Variants in IPCEF1 observed in about 807,000 individuals in gnomAD.
IPCEF1 encodes the protein interaction protein for cytohesin exchange factors 1.
IPCEF1 carries 31 observed loss-of-function variants against 50.9 expected under a neutral mutation model. The ratio of observed to expected loss-of-function variants is 0.61; its 90% CI spans 0.46 to 0.82. IPCEF1 has a LOEUF of 0.82. Among genes scored for constraint, IPCEF1 ranks in the 40% least tolerant of loss-of-function variants. The pLI is 0.00. For missense variants in IPCEF1, 458 were observed against 514.0 expected, an observed-to-expected ratio of 0.89 and a Z score of 1.05; for synonymous variants, 181 against 192.0, an observed-to-expected ratio of 0.94 and a Z score of 0.47.
At chr6:154,264,699 C>T (rs902821576) in intron 3 of IPCEF1, among the ~76,000 whole-genome samples, 1 of 152,056 alleles carries the variant, frequency 6.6e-6, no homozygotes, top group African/African-American at 2.4e-5. Context: ...AAGTTTCCTG[C>T]ATTTTTTTTC....
chr6:154,228,132 A>T (rs930416267), intron 5 of IPCEF1, among the ~76,000 whole-genome samples: 6 of 152,012 alleles, frequency 3.9e-5, no homozygotes, highest in Non-Finnish European at 7.4e-5. Flanking sequence ...AACTTTGTTG[A>T]ATGGGATCCT....
intron 1 of IPCEF1, among the ~76,000 whole-genome samples, chr6:154,293,533 G>C (rs955807114): frequency 2.0e-5 from 3 of 152,120 alleles, no homozygotes; most frequent in African/African-American, 7.2e-5. Flanking sequence ...CAAAGCAAAA[G>C]AGCAATTAGA....
chr6:154,222,654 A>G (rs1274843004), intron 6 of IPCEF1, among the ~76,000 whole-genome samples: 2 of 151,872 alleles, frequency 1.3e-5, no homozygotes, highest in Non-Finnish European at 2.9e-5. Context: ...TGAGCTGGTA[A>G]TTTTTTTTGG....
intron 1 of IPCEF1, among the ~76,000 whole-genome samples, chr6:154,308,468 T>A (rs938398285): frequency 5.3e-5 from 8 of 152,196 alleles, no homozygotes; most frequent in Non-Finnish European, 1.5e-5. Flanking sequence ...TTTAAAATTA[T>A]ACCATCCAAT....
intron 10 of IPCEF1, among the ~76,000 whole-genome samples, chr6:154,195,147 C>CTTTTTTTTT (rs10719288): frequency 1.6e-5 from 2 of 122,898 alleles, no homozygotes; most frequent in African/African-American, 3.1e-5. Flanking sequence ...TCTTTTCTTT[C>CTTTTTTTTT]TTTTTTTTTT....
At chr6:154,306,690 C>T (rs531226472) in intron 1 of IPCEF1, 2 of 152,434 alleles carry the variant, frequency 1.3e-5, no homozygotes, top group South Asian at 4.1e-4. Context: ...CTGTGCAGCG[C>T]CTACCAGCAG....
intron 1 of IPCEF1, among the ~76,000 whole-genome samples, chr6:154,293,588 G>C (rs1275004478): frequency 6.6e-6 from 1 of 152,158 alleles, no homozygotes; most frequent in Non-Finnish European, 1.5e-5. Flanking sequence ...TATTGTTACT[G>C]TCCAGTGTTC....
intron 5 of IPCEF1, among the ~76,000 whole-genome samples, chr6:154,229,918 T>C (rs1779591949): frequency 6.6e-6 from 1 of 152,200 alleles, no homozygotes; most frequent in East Asian, 1.9e-4. Context: ...TGCTGAAACA[T>C]GGATGAACCC....
intron 1 of IPCEF1, among the ~76,000 whole-genome samples, chr6:154,301,412 C>A (rs1782792123): frequency 6.6e-6 from 1 of 152,138 alleles, no homozygotes; most frequent in African/African-American, 2.4e-5. Context: ...ACCCCATAAA[C>A]CTTGAAATAT....
intron 10 of IPCEF1, among the ~76,000 whole-genome samples, chr6:154,197,022 T>C (rs1776674242): frequency 6.6e-6 from 1 of 152,192 alleles, no homozygotes; most frequent in African/African-American, 2.4e-5. Flanking sequence ...ACTCAGTTAT[T>C]AATCTTTAAG....
intron 7 of IPCEF1, among the ~76,000 whole-genome samples, chr6:154,218,274 G>A (rs960935350): frequency 1.3e-5 from 2 of 152,192 alleles, no homozygotes; most frequent in African/African-American, 4.8e-5. Context: ...CAAAACAAGA[G>A]CATTCTTCCC....
At position 154,212,701 on chromosome 6, in the gene IPCEF1, A is replaced by G. The variant is rs1778063195; in HGVS notation, c.537+69T>C. 12 of 1,053,050 alleles carry G rather than the reference A, an allele frequency of 1.1e-5. No homozygotes were observed. The East Asian group carries it at 2.9e-4, about 25-fold the overall frequency. The allele number at this position is 1,053,050 out of a possible 1,614,324, so 65.2% of individuals were successfully genotyped here. A position where few individuals can be genotyped will look rare whatever the true frequency, so the allele number is the denominator to read the frequency against. On this transcript the variant is annotated intron_variant, in intron 9 of 11. Coordinates refer to ENST00000367220, the MANE Select transcript of IPCEF1 (RefSeq NM_001130700.2). ...AAATTTATTGGTCAAGCTACTTCCT[A>G]TTCAATTGGAAGAAATGACATCCAC... is the stretch of plus-strand genomic sequence containing the variant.
intron 1 of IPCEF1, among the ~76,000 whole-genome samples, chr6:154,327,809 T>C (rs1187250412): frequency 6.6e-6 from 1 of 152,124 alleles, no homozygotes; most frequent in Non-Finnish European, 1.5e-5. Context: ...AGCAAACACA[T>C]GGAATCAACC....
chr6:154,246,360 T>C (rs940776801), intron 5 of IPCEF1, among the ~76,000 whole-genome samples: 1 of 152,176 alleles, frequency 6.6e-6, no homozygotes, highest in Admixed American at 6.5e-5. Flanking sequence ...ATGTCGACAC[T>C]CCCTTCCTCC....
At chr6:154,330,882 T>C (rs895228536) in intron 1 of IPCEF1, among the ~76,000 whole-genome samples, 4 of 152,166 alleles carry the variant, frequency 2.6e-5, no homozygotes, top group Non-Finnish European at 4.4e-5. Context: ...AAAGGAATTC[T>C]TTCCTTCCAT....
At chr6:154,328,213 T>G (rs1359058191) in intron 1 of IPCEF1, among the ~76,000 whole-genome samples, 1 of 152,128 alleles carries the variant, frequency 6.6e-6, no homozygotes, top group Non-Finnish European at 1.5e-5. Flanking sequence ...CGTGCACCCC[T>G]GAACTTAAAA....
intron 9 of IPCEF1, among the ~76,000 whole-genome samples, chr6:154,203,572 G>A (rs143865831): frequency 2.6e-5 from 4 of 152,260 alleles, no homozygotes; most frequent in Non-Finnish European, 5.9e-5. Flanking sequence ...CCGACTTTTC[G>A]TGTAGGTGGG....
intron 3 of IPCEF1, among the ~76,000 whole-genome samples, chr6:154,258,706 A>T (rs1355791843): frequency 6.6e-6 from 1 of 152,162 alleles, no homozygotes; most frequent in African/African-American, 2.4e-5. Context: ...TCTCTTAAAC[A>T]ATGACCAACC....
intron 1 of IPCEF1, among the ~76,000 whole-genome samples, chr6:154,290,409 CA>C (rs1363256420): frequency 6.6e-6 from 1 of 152,192 alleles, no homozygotes; most frequent in Admixed American, 6.5e-5. Flanking sequence ...AAAGATCAAA[CA>C]GGGTACTTGG....
Sources: gnomAD v4.1 joint callset for allele counts (sites outside exome capture counted in the v4.1 genomes callset) on GRCh38, gnomAD v4.1.1 for gene constraint, MANE v1.5 for transcripts, NCBI Gene and HGNC (gene_info 2026-07-23, HGNC 2026-07-21) for gene names.